The following RAI14 variants were observed in gnomAD, a reference collection of about 807,000 sequenced individuals.
RAI14 encodes the protein ankycorbin.
RAI14 carries 45 observed loss-of-function variants against 115.4 expected under a neutral mutation model. The ratio of observed to expected loss-of-function variants is 0.39; its 90% CI spans 0.31 to 0.50. The LOEUF is 0.50. Ranked by LOEUF, RAI14 falls within the 20% of genes least tolerant of loss-of-function variation. The pLI is 0.85. For missense variants in RAI14, 939 were observed against 1,131.2 expected (o/e 0.83, Z 2.44); for synonymous variants, 371 against 415.4 (o/e 0.89, Z 1.30).
intron 2 of RAI14, among the ~76,000 whole-genome samples, chr5:34,744,902 C>T (rs2150056242): frequency 6.6e-6 from 1 of 152,330 alleles, no homozygotes; most frequent in Admixed American, 6.5e-5. Flanking sequence ...CTTCTAGCTC[C>T]TGGTGGTTGC....
Position 34,776,279 on chromosome 5 carries a change from G to A in RAI14, c.167+18681G>A, listed in dbSNP as rs183400848. On this transcript the variant is annotated intron_variant, in intron 3 of 17. Transcript: ENST00000265109. ...CAGGATGGGAAGGGTAGTGGGTTGG[G>A]GGAAAGTGGGGAGGTTAATGGGTAT... Among the ~76,000 whole-genome samples the A allele has an allele frequency of 3.6e-4, 55 of 152,210 alleles. 1 individual carries two copies. The highest frequency in any genetic ancestry group is 1.2e-3 in the African/African-American group (51 of 41,520).
intron 3 of RAI14, among the ~76,000 whole-genome samples, chr5:34,780,603 C>T (rs549649361): frequency 1.3e-5 from 2 of 152,252 alleles, no homozygotes; most frequent in Non-Finnish European, 2.9e-5. Context: ...ATTTATGCGG[C>T]CAACAGACAC....
intron 1 of RAI14, among the ~76,000 whole-genome samples, chr5:34,664,810 T>G (rs546879791): frequency 6.6e-6 from 1 of 151,206 alleles, no homozygotes; most frequent in Non-Finnish European, 1.5e-5. Context: ...AAGTCCATTT[T>G]GTCATTCTTA....
At chr5:34,675,210 A>G (rs1295285388) in intron 1 of RAI14, among the ~76,000 whole-genome samples, 1 of 152,278 alleles carries the variant, frequency 6.6e-6, no homozygotes, top group East Asian at 1.9e-4. Context: ...GGATCTTTTT[A>G]AGAACAACTT....
intron 2 of RAI14, among the ~76,000 whole-genome samples, chr5:34,720,356 C>T (rs1742515379): frequency 6.7e-6 from 1 of 148,190 alleles, no homozygotes; most frequent in Non-Finnish European, 1.5e-5. Flanking sequence ...ATAAAATGTT[C>T]AATCGCTTCC....
intron 17 of RAI14, 29 bp downstream of exon 17, chr5:34,829,826 A>G: frequency 6.4e-7 from 1 of 1,552,786 alleles, no homozygotes; most frequent in South Asian, 1.2e-5. Context: ...AAGTATCTGG[A>G]CATCCTAAAG....
intron 2 of RAI14, among the ~76,000 whole-genome samples, chr5:34,745,995 A>G (rs952064558): frequency 4.0e-5 from 6 of 151,816 alleles, no homozygotes; most frequent in African/African-American, 1.4e-4. Context: ...ACACGACCCC[A>G]ATTCACAAAG....
At chr5:34,795,799 A>C in intron 3 of RAI14, 140 bp from the exon 4 acceptor site, 1 of 528,178 alleles carries the variant, frequency 1.9e-6, no homozygotes, top group Non-Finnish European at 3.3e-6. Flanking sequence ...ATTGATAATA[A>C]TGCCTAGTCA....
In RAI14 at chr5:34,686,965, C is replaced by T. The variant is rs777553193; in HGVS notation, c.36+10C>T. 32 of 1,612,992 alleles carry T rather than the reference C, an allele frequency of 2.0e-5. No individual in the cohort carries two copies. Among genetic ancestry groups the T allele is most frequent in the Admixed American group, 1.3e-4 (8 of 59,910 alleles). ...GTTCAGGAAGAGTGACGTGAGTATG[C>T]GGTGACTCACAGTCTGGCTGTTCCT... On this transcript the variant is annotated intron_variant, in intron 2 of 17. Coordinates refer to ENST00000265109, the MANE Select transcript of RAI14 (RefSeq NM_015577.3).
At position 34,823,500 on chromosome 5, in the gene RAI14, T is replaced by A; in HGVS notation, c.1658T>A (p.Val553Glu). The part of the protein sequence containing the change: ...LEESERNKEK[V>E]RELEEKLVER... ...GAAAGTGAAAGAAATAAAGAGAAAG[T>A]GAGAGAGTTAGAGGAAAAACTGGTA... The change falls in exon 15 of 18, where the codon GTG (valine) becomes GAG (glutamate). Residue 553 changes from valine (V) to glutamate (E), a missense_variant. Coordinates refer to ENST00000265109, the MANE Select transcript of RAI14 (RefSeq NM_015577.3). This position sits in a 1 kb window ranked among gnomAD's most constrained non-coding sequence, Gnocchi z 4.5. 1 of 1,613,622 alleles carries A rather than the reference T, an allele frequency of 6.2e-7. No homozygotes were observed.
intron 2 of RAI14, chr5:34,687,840 T>G: frequency 7.7e-7 from 1 of 1,299,530 alleles, no homozygotes; most frequent in South Asian, 1.3e-5. Context: ...CACAGCTGCA[T>G]TTTTGCAATA....
intron 3 of RAI14, among the ~76,000 whole-genome samples, chr5:34,787,657 C>T (rs913229086): frequency 1.3e-5 from 2 of 151,920 alleles, no homozygotes; most frequent in Non-Finnish European, 2.9e-5. Context: ...CGAAAATATT[C>T]TAGAATTAGG....
intron 1 of RAI14, among the ~76,000 whole-genome samples, chr5:34,683,812 C>T (rs1455203442): frequency 6.6e-6 from 1 of 152,016 alleles, no homozygotes; most frequent in Admixed American, 6.5e-5. Context: ...ACTGCAAGCT[C>T]CGCCTCCCGG....
intron 16 of RAI14, among the ~76,000 whole-genome samples, chr5:34,828,168 G>C (rs2150313477): frequency 6.6e-6 from 1 of 152,316 alleles, no homozygotes; most frequent in African/African-American, 2.4e-5. Flanking sequence ...TCGCAGTAGG[G>C]GTTGGGGGAA....
intron 3 of RAI14, among the ~76,000 whole-genome samples, chr5:34,771,419 T>C (rs1201271072): frequency 1.3e-5 from 2 of 152,252 alleles, no homozygotes; most frequent in East Asian, 3.8e-4. Context: ...AGAGAAATTT[T>C]CAGTGAATGA....
Position 34,784,949 on chromosome 5 carries a change from G to A in RAI14, c.168-10990G>A, listed in dbSNP as rs570769875. The stretch of plus-strand genomic sequence containing the variant: ...TGTTTTCAATTGATCCCTACCTATG[G>A]CTACTTTCTGTGGCACAATTGTAGT... On this transcript the variant is annotated intron_variant, in intron 3 of 17. Transcript: ENST00000265109. Among the ~76,000 whole-genome samples, 12 of 152,262 alleles carry A rather than the reference G, an allele frequency of 7.9e-5. No individual in the cohort carries two copies. The South Asian group carries it at 2.3e-3, about 29-fold the overall frequency.
chr5:34,669,520 C>T (rs574589568), intron 1 of RAI14, among the ~76,000 whole-genome samples: 2 of 152,322 alleles, frequency 1.3e-5, no homozygotes, highest in South Asian at 2.1e-4. Flanking sequence ...AGGAGCAGCT[C>T]ACCCTGTCCT....
At chr5:34,730,050 G>A (rs542721816) in intron 2 of RAI14, among the ~76,000 whole-genome samples, 5 of 152,276 alleles carry the variant, frequency 3.3e-5, no homozygotes, top group African/African-American at 1.2e-4. Flanking sequence ...GCAGGCAAGG[G>A]TCTAAAATGG....
chr5:34,820,566 C>G (rs1356624330), intron 13 of RAI14, among the ~76,000 whole-genome samples: 1 of 152,156 alleles, frequency 6.6e-6, no homozygotes, highest in Non-Finnish European at 1.5e-5. Context: ...GAGCCGAGAT[C>G]GTGCCACTGC....
Sources: allele counts gnomAD v4.1 joint callset (sites outside exome capture counted in the v4.1 genomes callset), GRCh38; gene constraint gnomAD v4.1.1; non-coding constraint Gnocchi (gnomAD v3.1); transcripts MANE v1.5; gene names NCBI Gene and HGNC (gene_info 2026-07-23, HGNC 2026-07-21).